KIAA1328: variants seen among roughly 807,000 people sequenced by gnomAD.
The protein encoded by KIAA1328 is protein hinderin.
KIAA1328 carries 52 observed loss-of-function variants against 68.1 expected under a neutral mutation model. The ratio of observed to expected loss-of-function variants is 0.76; its 90% CI spans 0.61 to 0.96. The LOEUF (loss-of-function observed/expected upper bound fraction) is 0.96, where lower values mean the gene tolerates loss of function less well. Among genes scored for constraint, KIAA1328 ranks in the 40% least tolerant of loss-of-function variants. The pLI is 0.00. For synonymous variants in KIAA1328, 232 were observed against 239.4 expected, an observed-to-expected ratio of 0.97 and a Z score of 0.28; for missense variants, 641 against 677.6, an observed-to-expected ratio of 0.95 and a Z score of 0.60.
At chr18:36,925,682 T>C (rs2050088469) in intron 5 of KIAA1328, among the ~76,000 whole-genome samples, 2 of 152,006 alleles carry the variant, frequency 1.3e-5, no homozygotes, top group African/African-American at 4.8e-5. Context: ...GGACTACAGG[T>C]GCATGCCACC....
At chr18:36,934,405 A>G (rs2050424543) in intron 5 of KIAA1328, among the ~76,000 whole-genome samples, 1 of 151,954 alleles carries the variant, frequency 6.6e-6, no homozygotes, top group Non-Finnish European at 1.5e-5. Flanking sequence ...GGTGTGCTGC[A>G]CCCATTAACT....
At chr18:36,843,120 C>T (rs767706577) in intron 3 of KIAA1328, among the ~76,000 whole-genome samples, 3 of 151,972 alleles carry the variant, frequency 2.0e-5, no homozygotes, top group Non-Finnish European at 4.4e-5. Flanking sequence ...TAATACCATA[C>T]ACTGACTTTT....
intron 4 of KIAA1328, 43 bp downstream of exon 4, chr18:36,844,345 C>A: frequency 7.7e-7 from 1 of 1,295,820 alleles, no homozygotes; most frequent in Non-Finnish European, 1.1e-6. Flanking sequence ...ATACAAAAGA[C>A]AACTCTTATT....
intron 7 of KIAA1328, among the ~76,000 whole-genome samples, chr18:37,090,493 G>A (rs557955156): frequency 6.6e-6 from 1 of 152,262 alleles, no homozygotes; most frequent in East Asian, 1.9e-4. Context: ...TGTTCCTGGT[G>A]TTAGTGGAGA....
chr18:37,001,929 C>T (rs1384030686), intron 6 of KIAA1328, among the ~76,000 whole-genome samples: 3 of 152,070 alleles, frequency 2.0e-5, no homozygotes, highest in Admixed American at 2.0e-4. Context: ...AAAGCCTTTT[C>T]TCTAAGAACT....
intron 7 of KIAA1328, among the ~76,000 whole-genome samples, chr18:37,125,412 G>A (rs571174557): frequency 2.6e-5 from 4 of 152,108 alleles, no homozygotes; most frequent in Non-Finnish European, 5.9e-5. Context: ...AAGTTTAAAT[G>A]TTTTAAATTG....
intron 6 of KIAA1328, among the ~76,000 whole-genome samples, chr18:36,972,329 C>A (rs1232469139): frequency 6.6e-6 from 1 of 152,188 alleles, no homozygotes; most frequent in African/African-American, 2.4e-5. Context: ...TGATTTTTCT[C>A]AGCACCAGTT....
intron 5 of KIAA1328, among the ~76,000 whole-genome samples, chr18:36,901,319 G>T (rs533543835): frequency 1.3e-5 from 2 of 151,984 alleles, no homozygotes; most frequent in Admixed American, 6.6e-5. Context: ...GTCACTTGGT[G>T]GGGGAGGCAT....
chr18:37,090,538 A>G (rs1390695453), intron 7 of KIAA1328, among the ~76,000 whole-genome samples: 1 of 152,184 alleles, frequency 6.6e-6, no homozygotes, highest in Non-Finnish European at 1.5e-5. Context: ...AATCAAATAG[A>G]CATTAAATTC....
At chr18:36,921,021 G>T (rs957526825) in intron 5 of KIAA1328, 12 of 152,218 alleles carry the variant, frequency 7.9e-5, no homozygotes, top group Non-Finnish European at 1.6e-4. Flanking sequence ...ACTGCCTTTA[G>T]GCAACAAGCT....
intron 9 of KIAA1328, among the ~76,000 whole-genome samples, chr18:37,174,548 A>G (rs2059562156): frequency 6.7e-6 from 1 of 149,264 alleles, no homozygotes; most frequent in African/African-American, 2.5e-5. Flanking sequence ...ACACCCGGCT[A>G]ATTTTTTTTT....
chr18:36,831,751 A>G (rs767909328), intron 1 of KIAA1328, among the ~76,000 whole-genome samples: 10 of 152,220 alleles, frequency 6.6e-5, no homozygotes, highest in Non-Finnish European at 1.5e-4. Context: ...ATATACATGT[A>G]TTGCTGGCAA....
chr18:36,941,135 G>A (rs551853744), intron 5 of KIAA1328, among the ~76,000 whole-genome samples: 3 of 152,236 alleles, frequency 2.0e-5, no homozygotes, highest in African/African-American at 2.4e-5. Flanking sequence ...GACACAAACC[G>A]TTTGGTATGA....
At chr18:37,009,647 C>G (rs753821439) in intron 6 of KIAA1328, among the ~76,000 whole-genome samples, 49 of 152,270 alleles carry the variant, frequency 3.2e-4, no homozygotes, top group Non-Finnish European at 6.2e-4. Context: ...AAAGAATTAT[C>G]TGGTCCAAAT....
chr18:37,159,696 T>A, intron 7 of KIAA1328, among the ~76,000 whole-genome samples: 1 of 152,230 alleles, frequency 6.6e-6, no homozygotes, highest in East Asian at 1.9e-4. Flanking sequence ...TATGTAAGTA[T>A]GGAGTCTAGT....
intron 6 of KIAA1328, among the ~76,000 whole-genome samples, chr18:37,028,095 C>T (rs2054665941): frequency 6.6e-6 from 1 of 152,088 alleles, no homozygotes; most frequent in African/African-American, 2.4e-5. Context: ...AGCCAACAGA[C>T]ACATGAAAAA....
intron 6 of KIAA1328, among the ~76,000 whole-genome samples, chr18:37,038,513 TA>T (rs2055119325): frequency 6.6e-6 from 1 of 152,112 alleles, no homozygotes; most frequent in African/African-American, 2.4e-5. Flanking sequence ...TAAGATTGCT[TA>T]TAGTTAGTAT....
intron 9 of KIAA1328, among the ~76,000 whole-genome samples, chr18:37,215,359 A>AG (rs140455899): frequency 0.98 from 148,894 of 152,312 alleles, 72,807 homozygotes; most frequent in East Asian, 1. Flanking sequence ...TTTAGTATGA[A>AG]GGCTGTTGAA....
At chr18:37,057,049 G>A (rs531649565) in intron 6 of KIAA1328, among the ~76,000 whole-genome samples, 2 of 152,176 alleles carry the variant, frequency 1.3e-5, no homozygotes, top group South Asian at 4.2e-4. Context: ...TGTAGCCTAT[G>A]TATATCCCCC....
Sources: gnomAD v4.1 joint callset for allele counts (sites outside exome capture counted in the v4.1 genomes callset) on GRCh38, gnomAD v4.1.1 for gene constraint, MANE v1.5 for transcripts, NCBI Gene and HGNC (gene_info 2026-07-23, HGNC 2026-07-21) for gene names.